Variants in TEKT1 observed in about 807,000 individuals in gnomAD.
The protein encoded by TEKT1 is tektin-1.
TEKT1 carries 32 observed loss-of-function variants against 34.8 expected under a neutral mutation model. The observed-to-expected ratio is 0.92, with a 90% CI of 0.69 to 1.23. The LOEUF (loss-of-function observed/expected upper bound fraction) is 1.23, where lower values mean the gene tolerates loss of function less well. Among genes scored for constraint, TEKT1 ranks in the 50% most tolerant of loss-of-function variants. The pLI is 0.00. For missense variants in TEKT1, 492 were observed against 518.5 expected (o/e 0.95, Z 0.50); for synonymous variants, 207 against 199.8 (o/e 1.04, Z -0.30).
Position 6,800,129 on chromosome 17 carries a change from G to C in TEKT1, c.1155C>G (p.Ile385Met), listed in dbSNP as rs199826606. Residue 385 changes from isoleucine (I) to methionine (M), a missense_variant, in exon 8 of 8, where the codon ATC becomes ATG. By Grantham distance (10) the Ile-to-Met change is conservative (BLOSUM62 1). Transcript: ENST00000338694. ...TCATCTGCATACACAGCACTTCGTC[G>C]ATATAAATGGTGTTCTCTTTGACCT... ...EIQVKENTIYIDEVLCMQMRK... is the reference protein window; with the variant it reads ...EIQVKENTIYMDEVLCMQMRK... 4 of 1,613,996 alleles carry C rather than the reference G, an allele frequency of 2.5e-6. No individual in the cohort carries two copies. The African/African-American group carries it at 4.0e-5, about 16-fold the overall frequency.
chr17:6,799,891 C>A lies in TEKT1; in HGVS notation c.*136G>T, dbSNP rs988154595. On this transcript the variant is annotated 3_prime_UTR_variant, in exon 8 of 8. Transcript: ENST00000338694. ...AGAAACTCGCCCCAAAATCAGCCCCCTGAGCAGGCTTGGAATGCCAGCCAA... is the reference window on the plus strand; with the variant it reads ...AGAAACTCGCCCCAAAATCAGCCCCATGAGCAGGCTTGGAATGCCAGCCAA... 5 of 785,600 alleles carry A rather than the reference C, an allele frequency of 6.4e-6. No individual in the cohort carries two copies. The African/African-American group carries it at 8.7e-5, about 14-fold the overall frequency. 48.7% of individuals were successfully genotyped at this position (785,600 alleles called of 1,614,324 possible). A position where few individuals can be genotyped will look rare whatever the true frequency, so the allele number is the denominator to read the frequency against.
rs766618922 is a variant in TEKT1 at position 6,819,259 on chromosome 17, CT to C, written c.289del (p.Arg97AspfsTer9). The C allele has an allele frequency of 3.7e-6, 6 of 1,613,966 alleles. No homozygotes were observed. The highest frequency in any genetic ancestry group is 5.1e-6 in the Non-Finnish European group (6 of 1,180,004). ...CAAGGTCTCCAGGGCTTTTTCCAAT[CT>C]GATCTTATATATGAGTAGATCATCA... ...VTDDLLIYKI[R>X]LEKALETLKE... On this transcript the variant is annotated frameshift_variant, in exon 3 of 8. Coordinates refer to ENST00000338694, the MANE Select transcript of TEKT1 (RefSeq NM_053285.2). LOFTEE classifies it high-confidence loss of function.
At chr17:6,807,976 C>A (rs1030570338) in intron 6 of TEKT1, among the ~76,000 whole-genome samples, 3 of 152,176 alleles carry the variant, frequency 2.0e-5, no homozygotes, top group Non-Finnish European at 4.4e-5. Flanking sequence ...GCTGGGAGAA[C>A]CACTACTCTC....
intron 5 of TEKT1, among the ~76,000 whole-genome samples, chr17:6,814,472 T>C (rs942334520): frequency 6.6e-6 from 1 of 152,222 alleles, no homozygotes; most frequent in Non-Finnish European, 1.5e-5. Flanking sequence ...GTTTACCGTA[T>C]GTGTGTGAGT....
intron 2 of TEKT1, among the ~76,000 whole-genome samples, chr17:6,823,883 C>T (rs368263486): frequency 1.2e-4 from 17 of 142,520 alleles, no homozygotes; most frequent in South Asian, 2.2e-4. Context: ...ACTGCAGTGG[C>T]GCTATCTCGG....
rs758219601 is a variant in TEKT1 at position 6,830,317 on chromosome 17, G to C, written c.60C>G (p.Asn20Lys). The C allele has an allele frequency of 1.9e-6, 3 of 1,610,924 alleles. No individual in the cohort carries two copies. The highest frequency in any genetic ancestry group is 1.7e-6 in the Non-Finnish European group (2 of 1,179,540). The change falls in exon 2 of 8, where the codon AAC (asparagine) becomes AAG (lysine). Residue 20 changes from asparagine to lysine, a missense_variant. Coordinates refer to ENST00000338694, the MANE Select transcript of TEKT1 (RefSeq NM_053285.2). Reference protein sequence around the residue: ...KFLPSEWHIANKNQYHRADAQ... With the variant: ...KFLPSEWHIAKKNQYHRADAQ... ...CGTCTGCTCTGTGGTACTGGTTCTT[G>C]TTAGCAATGTGCCACTCTGAGGGCA...
At chr17:6,826,829 G>A (rs1904417847) in intron 2 of TEKT1, among the ~76,000 whole-genome samples, 1 of 151,666 alleles carries the variant, frequency 6.6e-6, no homozygotes, top group Non-Finnish European at 1.5e-5. Context: ...CCGAGTAGCT[G>A]GGACTACAGG....
At position 6,830,289 on chromosome 17, in the gene TEKT1, G is replaced by A; in HGVS notation, c.88C>T (p.Gln30Ter). Residue 30 changes from glutamine (Q) to a stop codon, truncating the protein, a stop_gained, in exon 2 of 8, where the codon CAA (glutamine) becomes TAA (stop). Coordinates refer to ENST00000338694, the MANE Select transcript of TEKT1 (RefSeq NM_053285.2). LOFTEE classifies it high-confidence loss of function. ...ACCAGGCGTTCTGATCGGGACCTTT[G>A]AGCGTCTGCTCTGTGGTACTGGTTC... ...NKNQYHRADA[Q>*]RSRSERLVAE... 1 of 1,613,528 alleles carries A rather than the reference G, an allele frequency of 6.2e-7. No homozygotes were observed. The highest frequency in any genetic ancestry group is 8.5e-7 in the Non-Finnish European group (1 of 1,179,954).
rs369183776 is a variant in TEKT1 at position 6,803,893 on chromosome 17, T to G, written c.853-2950A>C. Among the ~76,000 whole-genome samples, 54 of 152,264 alleles carry G rather than the reference T, an allele frequency of 3.5e-4. No homozygotes were observed. In the East Asian group the frequency reaches 4.6e-3, roughly 13 times the overall value. On this transcript the variant is annotated intron_variant, in intron 6 of 7. Coordinates refer to ENST00000338694, the MANE Select transcript of TEKT1 (RefSeq NM_053285.2). ...TAGTATAGTTTGAAGTCAGGTAGCG[T>G]GATGCCTCCAGCTTTGTTCTTTTGG...
At chr17:6,823,409 G>T (rs1288810112) in intron 2 of TEKT1, among the ~76,000 whole-genome samples, 1 of 152,074 alleles carries the variant, frequency 6.6e-6, no homozygotes, top group Admixed American at 6.5e-5. Flanking sequence ...GTCTACTGTT[G>T]CTTCCTCTCT....
At chr17:6,810,842 G>A (rs138792008) in intron 6 of TEKT1, among the ~76,000 whole-genome samples, 119 of 152,180 alleles carry the variant, frequency 7.8e-4, no homozygotes, top group African/African-American at 2.6e-3. Flanking sequence ...AGGTTCAAGC[G>A]ATTCTCCTGC....
chr17:6,825,921 T>C (rs1486172314), intron 2 of TEKT1, among the ~76,000 whole-genome samples: 1 of 152,242 alleles, frequency 6.6e-6, no homozygotes, highest in Non-Finnish European at 1.5e-5. Flanking sequence ...CATTGCAGCA[T>C]ATATCTTTGG....
intron 3 of TEKT1, among the ~76,000 whole-genome samples, chr17:6,817,437 T>A (rs1235588059): frequency 6.6e-6 from 1 of 152,046 alleles, no homozygotes; most frequent in African/African-American, 2.4e-5. Flanking sequence ...ACACCAATAG[T>A]AATATTGCCT....
At chr17:6,822,389 G>A (rs1028430073) in intron 2 of TEKT1, among the ~76,000 whole-genome samples, 10 of 151,982 alleles carry the variant, frequency 6.6e-5, no homozygotes, top group Non-Finnish European at 1.3e-4. Flanking sequence ...TTCCTATTTT[G>A]GCTTCCCAAA....
At chr17:6,822,373 C>G (rs1307880248) in intron 2 of TEKT1, among the ~76,000 whole-genome samples, 1 of 152,140 alleles carries the variant, frequency 6.6e-6, no homozygotes, top group Non-Finnish European at 1.5e-5. Context: ...CTGGTCTCAA[C>G]TGATCTTCCT....
Position 6,800,763 on chromosome 17 carries a change from T to C in TEKT1, c.1033A>G (p.Thr345Ala), listed in dbSNP as rs1187104297. The change falls in exon 7 of 8, where the codon ACC (threonine) becomes GCC (alanine). Residue 345 changes from threonine to alanine, a missense_variant. Thr to Ala is a moderately conservative substitution (Grantham distance 58). Transcript: ENST00000338694. ...YRLMKEVQEI[T>A]HNVARLKETL... is the part of the protein sequence containing the mutation. Reference sequence around the variant, plus strand: ...CTAGCCTACCTTGCGACATTGTGGGTGATCTCTTGAACCTCCTTCATTAGC... The same window carrying C: ...CTAGCCTACCTTGCGACATTGTGGGCGATCTCTTGAACCTCCTTCATTAGC... The C allele has an allele frequency of 2.5e-6, 4 of 1,612,596 alleles. No individual in the cohort carries two copies. The highest frequency in any genetic ancestry group is 3.4e-6 in the Non-Finnish European group (4 of 1,179,162).
rs375573570 is a variant in TEKT1, at chr17:6,800,035, C to T, written c.1249G>A (p.Val417Ile). The T allele has an allele frequency of 1.9e-6, 3 of 1,606,812 alleles. No individual in the cohort carries two copies. In the South Asian group the frequency reaches 3.3e-5, roughly 18 times the overall value. The change falls in exon 8 of 8, where the codon GTC (valine) becomes ATC (isoleucine). Residue 417 changes from valine to isoleucine, a missense_variant. Transcript: ENST00000338694. The stretch of plus-strand genomic sequence containing the variant: ...TGGAACTAGCCCTACTATTAGCAGA[C>T]AGCATCAGGGCGGAGGCCCCCAGCC... ...VWAGGLRPDAVC is the reference protein window; with the variant it reads ...VWAGGLRPDAIC
At chr17:6,826,759 T>A (rs1184231725) in intron 2 of TEKT1, among the ~76,000 whole-genome samples, 1 of 151,332 alleles carries the variant, frequency 6.6e-6, no homozygotes, top group Non-Finnish European at 1.5e-5. Flanking sequence ...GCAGTGGCAC[T>A]ATCTCACGTC....
chr17:6,818,665 T>C (rs759598379), intron 3 of TEKT1, among the ~76,000 whole-genome samples: 13 of 152,194 alleles, frequency 8.5e-5, no homozygotes, highest in Non-Finnish European at 1.3e-4. Context: ...GATTAAGTTC[T>C]GTCAATAGGA....
Sources: gnomAD v4.1 joint callset for allele counts (sites outside exome capture counted in the v4.1 genomes callset) on GRCh38, gnomAD v4.1.1 for gene constraint, MANE v1.5 for transcripts, NCBI Gene and HGNC (gene_info 2026-07-23, HGNC 2026-07-21) for gene names.